The following OSBPL8 variants were observed in gnomAD, a reference collection of about 807,000 sequenced individuals.
OSBPL8 encodes the protein oxysterol-binding protein-related protein 8.
A neutral mutation model predicts 125.5 loss-of-function variants in OSBPL8; 59 were observed. The ratio of observed to expected loss-of-function variants is 0.47; its 90% CI spans 0.38 to 0.58. OSBPL8 has a LOEUF of 0.58. OSBPL8 is among the 20% of genes least tolerant of loss of function. OSBPL8 has a pLI of 0.00. For synonymous variants in OSBPL8, 330 were observed against 338.9 expected (o/e 0.97, Z 0.29); for missense variants, 758 against 1,047.8 (o/e 0.72, Z 3.82).
chr12:76,548,988 C>T (rs1412715316), intron 1 of OSBPL8, among the ~76,000 whole-genome samples: 1 of 151,978 alleles, frequency 6.6e-6, no homozygotes, highest in Non-Finnish European at 1.5e-5. Flanking sequence ...CTAATTTGCA[C>T]ATTCTAAGAC....
chr12:76,373,322 A>T lies in OSBPL8; in HGVS notation c.1917+22T>A, dbSNP rs745718752. The stretch of plus-strand genomic sequence containing the variant: ...CCACAGAATAAAATTCTTTTTGTAA[A>T]GCTCATATACAAAATACTTACCCAA... On this transcript the variant is annotated intron_variant, in intron 18 of 23. Coordinates refer to ENST00000261183, the MANE Select transcript of OSBPL8 (RefSeq NM_020841.5). 2.1e-6 allele frequency: 3 copies of T among 1,433,036 alleles called. No individual in the cohort carries two copies. In the East Asian group the frequency reaches 7.0e-5, roughly 33 times the overall value. The allele number at this position is 1,433,036 out of a possible 1,614,324, so 88.8% of individuals were successfully genotyped here.
chr12:76,384,297 T>C lies in OSBPL8; in HGVS notation c.1587A>G (p.Gly529=). Residue 529 remains glycine (G), a synonymous_variant, in exon 15 of 24, where the codon GGA becomes GGG. Coordinates refer to ENST00000261183, the MANE Select transcript of OSBPL8 (RefSeq NM_020841.5). The part of the protein sequence containing the change: ...SAFYVSNRKD[G]FCLSGSILAK... ...CCAGGATACTACCGCTAAGGCAAAA[T>C]CCATCTTTTCGATTACTAACATAAA... The C allele has an allele frequency of 6.4e-7, 1 of 1,570,944 alleles. No homozygotes were observed. The highest frequency in any genetic ancestry group is 8.7e-7 in the Non-Finnish European group (1 of 1,152,272).
chr12:76,422,673 T>C (rs1565884925), intron 4 of OSBPL8: 1 of 455,548 alleles, frequency 2.2e-6, no homozygotes, highest in South Asian at 1.6e-5. Flanking sequence ...GTCTATTTAA[T>C]GTATATGCTC....
At chr12:76,400,095 T>G (rs1249389938) in intron 6 of OSBPL8, 121 bp from the exon 7 acceptor site, 2 of 702,944 alleles carry the variant, frequency 2.8e-6, no homozygotes, top group African/African-American at 3.6e-5. Flanking sequence ...GGTTTTGTTG[T>G]ACATATTTTA....
At chr12:76,494,882 T>G (rs962749601) in intron 1 of OSBPL8, among the ~76,000 whole-genome samples, 7 of 152,052 alleles carry the variant, frequency 4.6e-5, no homozygotes, top group African/African-American at 1.7e-4. Flanking sequence ...GAGATAAAAT[T>G]TGGGGAGTTA....
chr12:76,367,953 G>A (rs897776270), intron 21 of OSBPL8, among the ~76,000 whole-genome samples: 1 of 152,114 alleles, frequency 6.6e-6, no homozygotes, highest in African/African-American at 2.4e-5. Context: ...AGTCCTGCAG[G>A]AAATAAAAAG....
intron 1 of OSBPL8, among the ~76,000 whole-genome samples, chr12:76,550,020 T>C (rs994350154): frequency 7.1e-6 from 1 of 140,026 alleles, no homozygotes; most frequent in African/African-American, 2.7e-5. Context: ...AGAGTCCAAA[T>C]GGAGGCAGAG....
At chr12:76,435,345 A>T (rs1327173252) in intron 4 of OSBPL8, among the ~76,000 whole-genome samples, 1 of 152,188 alleles carries the variant, frequency 6.6e-6, no homozygotes, top group Non-Finnish European at 1.5e-5. Flanking sequence ...AGAATTTAAA[A>T]TAGTTGAACT....
rs567701008 is a variant in OSBPL8 at position 76,527,525 on chromosome 12, T to C, written c.-68+31872A>G. ...TAAATCTGTCAATTAGAATTACATATCTTCCTTGTTTAAACCACAGCTATA... is the reference window on the plus strand; with the variant it reads ...TAAATCTGTCAATTAGAATTACATACCTTCCTTGTTTAAACCACAGCTATA... On this transcript the variant is annotated intron_variant, in intron 1 of 23. Coordinates refer to ENST00000261183, the MANE Select transcript of OSBPL8 (RefSeq NM_020841.5). Among the ~76,000 whole-genome samples, 230 of 152,326 alleles carry C rather than the reference T, an allele frequency of 1.5e-3. 2 individuals are homozygous for C. The highest frequency in any genetic ancestry group is 5.2e-3 in the African/African-American group (217 of 41,574).
At chr12:76,391,770 T>G (rs190742015) in intron 10 of OSBPL8, among the ~76,000 whole-genome samples, 261 of 151,432 alleles carry the variant, frequency 1.7e-3, no homozygotes, top group Non-Finnish European at 3.3e-3. Flanking sequence ...CTCTAAAAAA[T>G]TTTTTAAAGT....
At chr12:76,411,641 T>TA (rs1374452953) in intron 4 of OSBPL8, among the ~76,000 whole-genome samples, 3 of 151,854 alleles carry the variant, frequency 2.0e-5, no homozygotes, top group African/African-American at 7.3e-5. Context: ...TTATATGATA[T>TA]AAAAAAAGGG....
In OSBPL8 at chr12:76,499,304, C is replaced by CTA. The variant is rs1555231512; in HGVS notation, c.-67-11687_-67-11686insTA. Among the ~76,000 whole-genome samples, 252 of 128,076 alleles carry CTA rather than the reference C, an allele frequency of 2.0e-3. 2 individuals carry two copies. The highest frequency in any genetic ancestry group is 3.0e-3 in the Non-Finnish European group (178 of 59,960). The allele number at this position is 128,076 out of a possible 152,430, so 84.0% of individuals were successfully genotyped here. On this transcript the variant is annotated intron_variant, in intron 1 of 23. Transcript: ENST00000261183. The stretch of plus-strand genomic sequence containing the variant: ...ATCATGTAAGTTAATACTTAATAAA[C>CTA]TCTATCTATCTATCTATCTATCTAT...
At chr12:76,415,862 T>C (rs929470333) in intron 4 of OSBPL8, among the ~76,000 whole-genome samples, 13 of 152,184 alleles carry the variant, frequency 8.5e-5, no homozygotes, top group Non-Finnish European at 7.4e-5. Context: ...TCAGTCTTTT[T>C]CCAAGAATTT....
chr12:76,418,922 A>G (rs1407748001), intron 4 of OSBPL8, among the ~76,000 whole-genome samples: 1 of 152,028 alleles, frequency 6.6e-6, no homozygotes, highest in Non-Finnish European at 1.5e-5. Flanking sequence ...AAGAAATAAT[A>G]ATGGATTCAC....
intron 4 of OSBPL8, among the ~76,000 whole-genome samples, chr12:76,431,977 A>C (rs1870885497): frequency 6.6e-6 from 1 of 152,174 alleles, no homozygotes; most frequent in Admixed American, 6.6e-5. Context: ...ATCCTATGTT[A>C]GGTAACCAAA....
chr12:76,430,599 A>G (rs1448176046), intron 4 of OSBPL8, among the ~76,000 whole-genome samples: 1 of 152,242 alleles, frequency 6.6e-6, no homozygotes, highest in Non-Finnish European at 1.5e-5. Flanking sequence ...TGATTTTCTT[A>G]AAGAAGCTGA....
intron 3 of OSBPL8, among the ~76,000 whole-genome samples, chr12:76,457,600 T>C (rs895594856): frequency 6.6e-6 from 1 of 152,166 alleles, no homozygotes; most frequent in Non-Finnish European, 1.5e-5. Context: ...GGGTCAACTG[T>C]ACTTCACTTT....
At chr12:76,428,537 G>GTT (rs1291374308) in intron 4 of OSBPL8, among the ~76,000 whole-genome samples, 1 of 152,212 alleles carries the variant, frequency 6.6e-6, no homozygotes, top group East Asian at 1.9e-4. Flanking sequence ...TGAAAGCACT[G>GTT]TAAGAGTTAC....
rs559514349 is a variant in OSBPL8 at position 76,410,677 on chromosome 12, A to G, written c.218-43T>C. On this transcript the variant is annotated intron_variant, in intron 4 of 23. Transcript: ENST00000261183. Reference sequence around the variant, plus strand: ...CATATCAGTATTACTACTTTTGAACATGTATAATAAGTCATTCATTTTCAA... The same window carrying G: ...CATATCAGTATTACTACTTTTGAACGTGTATAATAAGTCATTCATTTTCAA... The G allele has an allele frequency of 3.1e-5, 40 of 1,305,842 alleles. No homozygotes were observed. The African/African-American group carries it at 5.5e-4, about 18-fold the overall frequency. The allele number at this position is 1,305,842 out of a possible 1,614,324, so 80.9% of individuals were successfully genotyped here. A position where few individuals can be genotyped will look rare whatever the true frequency, so the allele number is the denominator to read the frequency against.
Sources: gnomAD v4.1 joint callset for allele counts (sites outside exome capture counted in the v4.1 genomes callset) on GRCh38, gnomAD v4.1.1 for gene constraint, MANE v1.5 for transcripts, NCBI Gene and HGNC (gene_info 2026-07-23, HGNC 2026-07-21) for gene names.